The following FAAH2 variants were observed in gnomAD, a reference collection of about 807,000 sequenced individuals.
The protein encoded by FAAH2 is fatty-acid amide hydrolase 2.
In FAAH2, 60 loss-of-function variants were observed where a neutral mutation model predicts 36.9. That is an observed-to-expected ratio of 1.63 (90% CI 1.32 to 2.02). The LOEUF (loss-of-function observed/expected upper bound fraction) is 2.02. Among genes scored for constraint, FAAH2 ranks in the 30% most tolerant of loss-of-function variants. The pLI, the probability that FAAH2 is intolerant of heterozygous loss-of-function variation, is 0.00. For synonymous variants in FAAH2, 214 were observed against 143.8 expected (o/e 1.49, Z -3.49); for missense variants, 689 against 397.5 (o/e 1.73, Z -6.23).
At chrX:57,225,754 A>G in the FAAH2 span, among the ~76,000 whole-genome samples, 1 of 107,875 alleles carries the variant, frequency 9.3e-6, no homozygotes. Flanking sequence ...GTCCCCCACT[A>G]TTATGATTCT....
chrX:57,126,058 A>T, the FAAH2 span, among the ~76,000 whole-genome samples: 7 of 112,534 alleles, frequency 6.2e-5, no homozygotes, highest in African/African-American at 2.3e-4. Flanking sequence ...AAAAGAGGCC[A>T]GACAACAAAG....
the FAAH2 span, among the ~76,000 whole-genome samples, chrX:57,242,825 G>A: frequency 8.9e-6 from 1 of 112,182 alleles, no homozygotes; most frequent in Admixed American, 9.4e-5. Context: ...GCACAAAACT[G>A]GGCATCTGTG....
In FAAH2 at chrX:57,432,029, G is replaced by A. The variant is rs751948173; in HGVS notation, c.1108G>A (p.Asp370Asn). Reference sequence around the variant, plus strand: ...CGCAATGATGTCAGCAAAGGGACATGATGGGAAGGTATTTTTACCTCTTTC... The same window carrying A: ...CGCAATGATGTCAGCAAAGGGACATAATGGGAAGGTATTTTTACCTCTTTC... ...WIAMMSAKGH[D>N]GKEPVKFVDL... The change falls in exon 8 of 11, where the codon GAT becomes AAT. Residue 370 changes from aspartate to asparagine, a missense_variant. Coordinates refer to ENST00000374900, the MANE Select transcript of FAAH2 (RefSeq NM_174912.4). The A allele has an allele frequency of 1.3e-5, 16 of 1,194,064 alleles. No homozygotes were observed. Among genetic ancestry groups the A allele is most frequent in the Non-Finnish European group, 1.8e-5 (16 of 887,177 alleles).
intron 10 of FAAH2, among the ~76,000 whole-genome samples, chrX:57,484,182 G>A (rs866175853): frequency 9.0e-6 from 1 of 110,500 alleles, no homozygotes. Flanking sequence ...ACACAGATGT[G>A]GCACAAGAAG....
In FAAH2 at chrX:57,432,054, C is replaced by A; in HGVS notation, c.1116+17C>A. ...GATGGGAAGGTATTTTTACCTCTTT[C>A]TTTACTTACTTTTTTCTTTGTGTAA... On this transcript the variant is annotated intron_variant, in intron 8 of 10. Transcript: ENST00000374900. The A allele has an allele frequency of 8.5e-7, 1 of 1,171,250 alleles. No individual in the cohort carries two copies. Among genetic ancestry groups the A allele is most frequent in the Non-Finnish European group, 1.2e-6 (1 of 869,069 alleles).
At chrX:57,231,554 T>C in the FAAH2 span, among the ~76,000 whole-genome samples, 2 of 111,865 alleles carry the variant, frequency 1.8e-5, no homozygotes, top group Admixed American at 9.5e-5. Context: ...CAGGGAATGT[T>C]GATCTAAGTT....
chrX:57,321,788 T>A (rs191025992), intron 3 of FAAH2, among the ~76,000 whole-genome samples: 1 of 111,393 alleles, frequency 9.0e-6, no homozygotes, highest in East Asian at 2.8e-4. Context: ...GTTGCTGTCA[T>A]CATGTTGTTA....
the FAAH2 span, among the ~76,000 whole-genome samples, chrX:57,211,755 C>T: frequency 8.9e-6 from 1 of 111,824 alleles, no homozygotes; most frequent in Non-Finnish European, 1.9e-5. Flanking sequence ...ACTGCTCACC[C>T]ATGCAGGACA....
intron 5 of FAAH2, among the ~76,000 whole-genome samples, chrX:57,362,063 TC>T (rs768874902): frequency 9.0e-6 from 1 of 111,696 alleles, no homozygotes; most frequent in South Asian, 3.8e-4. Flanking sequence ...GATTTTATGG[TC>T]CTTTCTTTGT....
intron 2 of FAAH2, among the ~76,000 whole-genome samples, chrX:57,310,264 A>T (rs994709877): frequency 1.8e-5 from 2 of 111,764 alleles, no homozygotes; most frequent in African/African-American, 6.5e-5. Context: ...ACGCAACACC[A>T]CGTTTATTGG....
Position 57,352,010 on chromosome X carries a change from A to ATG in FAAH2, c.742+10630_742+10631dup, listed in dbSNP as rs1420516729. Among the ~76,000 whole-genome samples the ATG allele has an allele frequency of 1.6e-3, 49 of 30,202 alleles. 7 individuals are homozygous for ATG. The highest frequency in any genetic ancestry group is 5.2e-3 in the Non-Finnish European group (39 of 7,519). The allele number at this position is 30,202 out of a possible 115,157, so 26.2% of individuals were successfully genotyped here. On this transcript the variant is annotated intron_variant, in intron 5 of 10. Transcript: ENST00000374900. ...CAAAACAAAATAAGGAAGCAAATATATGTGTGTGTGTATATATATATATAT... is the reference window on the plus strand; with the variant it reads ...CAAAACAAAATAAGGAAGCAAATATATGTGTGTGTGTGTATATATATATATAT...
At chrX:57,281,424 T>TAAG in the FAAH2 span, among the ~76,000 whole-genome samples, 1 of 112,143 alleles carries the variant, frequency 8.9e-6, no homozygotes, top group East Asian at 2.8e-4. Flanking sequence ...TTATAGTTAC[T>TAAG]AAGACATACA....
intron 5 of FAAH2, among the ~76,000 whole-genome samples, chrX:57,374,141 G>A: frequency 9.0e-6 from 1 of 111,651 alleles, no homozygotes; most frequent in Middle Eastern, 4.6e-3. Context: ...TTTGAAATTA[G>A]GTAATGTGTT....
the FAAH2 span, among the ~76,000 whole-genome samples, chrX:57,208,552 C>A: frequency 9.0e-6 from 1 of 111,531 alleles, no homozygotes; most frequent in Non-Finnish European, 1.9e-5. Flanking sequence ...CTTGCTGGGA[C>A]CAGCTCAGTC....
At chrX:57,276,142 A>G in the FAAH2 span, among the ~76,000 whole-genome samples, 1 of 111,850 alleles carries the variant, frequency 8.9e-6, no homozygotes, top group South Asian at 3.7e-4. Flanking sequence ...ACCACATCAC[A>G]CTTATTCTAA....
Position 57,489,079 on chromosome X carries a change from T to C in FAAH2, c.*147T>C. 1.7e-6 allele frequency: 1 copy of C among 602,091 alleles called. No homozygotes were observed. Among genetic ancestry groups the C allele is most frequent in the Non-Finnish European group, 2.4e-6 (1 of 414,540 alleles). The allele number at this position is 602,091 out of a possible 1,213,427, so 49.6% of individuals were successfully genotyped here. Reference sequence around the variant, plus strand: ...CATTTAGTTATTCTTTCTACTTTTATTTCCTTCTCTAACTGTTGGTCTTAC... The same window carrying C: ...CATTTAGTTATTCTTTCTACTTTTACTTCCTTCTCTAACTGTTGGTCTTAC... On this transcript the variant is annotated 3_prime_UTR_variant, in exon 11 of 11. Transcript: ENST00000374900.
the FAAH2 span, among the ~76,000 whole-genome samples, chrX:57,197,240 AT>A: frequency 9.1e-6 from 1 of 109,483 alleles, no homozygotes; most frequent in African/African-American, 3.3e-5. Flanking sequence ...TATTTATGCT[AT>A]TTTTTTCTGT....
At chrX:57,190,599 T>C in the FAAH2 span, among the ~76,000 whole-genome samples, 1 of 110,833 alleles carries the variant, frequency 9.0e-6, no homozygotes, top group Non-Finnish European at 1.9e-5. Context: ...GCATAGTATC[T>C]GGGCTGGATA....
At chrX:57,127,319 C>A in the FAAH2 span, 1 of 111,052 alleles carries the variant, frequency 9.0e-6, no homozygotes, top group Non-Finnish European at 1.9e-5. Flanking sequence ...AAGGAGCTAT[C>A]TAAAAAACAA....
Sources: allele counts gnomAD v4.1 joint callset (sites outside exome capture counted in the v4.1 genomes callset), GRCh38; gene constraint gnomAD v4.1.1; transcripts MANE v1.5; gene names NCBI Gene and HGNC (gene_info 2026-07-23, HGNC 2026-07-21).